MADD: variants seen among roughly 807,000 people sequenced by gnomAD.
MADD encodes the protein MAP kinase activating death domain, also known as MAP kinase-activating death domain protein.
A neutral mutation model predicts 176.7 loss-of-function variants in MADD; 109 were observed. The ratio of observed to expected loss-of-function variants is 0.62; its 90% CI spans 0.53 to 0.72. The LOEUF is 0.72. Ranked by LOEUF, MADD falls within the 30% of genes least tolerant of loss-of-function variation. The pLI, the probability that MADD is intolerant of heterozygous loss-of-function variation, is 0.00. For synonymous variants in MADD, 771 were observed against 771.3 expected (o/e 1.00, Z 0.01); for missense variants, 1,914 against 2,045.5 (o/e 0.94, Z 1.24).
At chr11:47,298,840 G>C (rs931985878) in intron 22 of MADD, among the ~76,000 whole-genome samples, 2 of 152,020 alleles carry the variant, frequency 1.3e-5, no homozygotes, top group Non-Finnish European at 2.9e-5. Flanking sequence ...AATCCATTTT[G>C]GGTTGATTTT....
intron 20 of MADD, among the ~76,000 whole-genome samples, chr11:47,294,981 C>T (rs2069594376): frequency 6.6e-6 from 1 of 151,588 alleles, no homozygotes; most frequent in Admixed American, 6.6e-5. Context: ...CTACAGTGAG[C>T]ATGTACTTCT....
chr11:47,329,312 AGT>A (rs2095804174), exon 33 of MADD: 6 of 632,554 alleles, frequency 9.5e-6, no homozygotes, highest in South Asian at 5.3e-5. Flanking sequence ...TGTCCCTCTG[AGT>A]GTGTCTTGAG....
intron 15 of MADD, among the ~76,000 whole-genome samples, chr11:47,288,411 A>G (rs2062435661): frequency 6.6e-6 from 1 of 152,246 alleles, no homozygotes; most frequent in African/African-American, 2.4e-5. Context: ...GGAGCGAACT[A>G]GCACTGCCAG....
chr11:47,328,069 G>A, intron 31 of MADD: 1 of 993,548 alleles, frequency 1.0e-6, no homozygotes, highest in Non-Finnish European at 1.2e-6. Context: ...CCCTCACACA[G>A]GCAGGTCTGG....
chr11:47,324,467 A>G lies in MADD; in HGVS notation c.4436-4A>G. On this transcript the variant is annotated splice_polypyrimidine_tract_variant and splice_region_variant and intron_variant, in intron 29 of 32. Coordinates refer to ENST00000402192, the Ensembl canonical transcript of MADD. ...TGAGCTGATAGCCCCCTCCCTCACC[A>G]CAGGACCTGAATTGGGTGGCGAGTT... is the stretch of plus-strand genomic sequence containing the variant. 2 of 1,612,560 alleles carry G rather than the reference A, an allele frequency of 1.2e-6. No homozygotes were observed. Among genetic ancestry groups the G allele is most frequent in the African/African-American group, 2.7e-5 (2 of 75,004 alleles).
At chr11:47,294,196 A>C (rs1171073051) in intron 20 of MADD, among the ~76,000 whole-genome samples, 1 of 151,444 alleles carries the variant, frequency 6.6e-6, no homozygotes. Flanking sequence ...TGAAAAATAC[A>C]AAATTAGCCA....
At chr11:47,319,988 C>T (rs2094106765) in intron 27 of MADD, among the ~76,000 whole-genome samples, 1 of 36,896 alleles carries the variant, frequency 2.7e-5, no homozygotes, top group Admixed American at 4.5e-4. Flanking sequence ...GAGACTCCAT[C>T]GCAAAAAAAA....
rs369658776 is a variant in MADD, at chr11:47,323,652, G to T, written c.4198-19G>T. On this transcript the variant is annotated intron_variant, in intron 27 of 32. Coordinates refer to ENST00000402192, the Ensembl canonical transcript of MADD. ...TGTCAGAGACAGGAACCACTGAGCC[G>T]CTTTGTGCACTTCTCCAGGTGTGCG... 6.2e-7 allele frequency: 1 copy of T among 1,609,666 alleles called. No homozygotes were observed. Among genetic ancestry groups the T allele is most frequent in the Non-Finnish European group, 8.5e-7 (1 of 1,177,512 alleles).
At chr11:47,272,979 T>C (rs1310478240) in intron 1 of MADD, among the ~76,000 whole-genome samples, 2 of 152,312 alleles carry the variant, frequency 1.3e-5, no homozygotes, top group Non-Finnish European at 2.9e-5. Context: ...GATTAGGCAA[T>C]TGGGGCATGG....
chr11:47,304,769 G>A (rs958601766), intron 22 of MADD, among the ~76,000 whole-genome samples: 1 of 152,014 alleles, frequency 6.6e-6, no homozygotes, highest in Non-Finnish European at 1.5e-5. Context: ...TATTACCAAA[G>A]AGTTATTATG....
chr11:47,304,156 A>G (rs1160115978), intron 22 of MADD, among the ~76,000 whole-genome samples: 1 of 151,366 alleles, frequency 6.6e-6, no homozygotes, highest in Non-Finnish European at 1.5e-5. Context: ...ACTAATTTCG[A>G]ATGACTTATC....
chr11:47,279,721 G>A (rs368622684), intron 7 of MADD, among the ~76,000 whole-genome samples: 7 of 151,794 alleles, frequency 4.6e-5, no homozygotes, highest in East Asian at 3.9e-4. Flanking sequence ...AGTGTGGACC[G>A]TCTGGCTGCT....
At chr11:47,310,016 AT>A (rs1180898770) in intron 25 of MADD, among the ~76,000 whole-genome samples, 1 of 151,260 alleles carries the variant, frequency 6.6e-6, no homozygotes, top group Non-Finnish European at 1.5e-5. Flanking sequence ...TAGTTTTTGT[AT>A]TTTTAGTAGA....
intron 3 of MADD, among the ~76,000 whole-genome samples, 169 bp downstream of exon 3, chr11:47,275,328 G>C (rs745522414): frequency 6.6e-6 from 1 of 152,212 alleles, no homozygotes; most frequent in Non-Finnish European, 1.5e-5. Flanking sequence ...GTCTCGCTCT[G>C]TTGCCCAGGC....
At chr11:47,275,812 C>A in intron 3 of MADD, 87 bp from the exon 4 acceptor site, 1 of 1,288,568 alleles carries the variant, frequency 7.8e-7, no homozygotes, top group Non-Finnish European at 1.1e-6. Context: ...CCATTGTCAT[C>A]ATTAGAGCCT....
rs754933627 is a variant in MADD at position 47,282,798 on chromosome 11, T to C, written c.1706-15T>C. 2 of 1,609,610 alleles carry C rather than the reference T, an allele frequency of 1.2e-6. No individual in the cohort carries two copies. The highest frequency in any genetic ancestry group is 3.3e-5 in the Admixed American group (2 of 59,710). ...CCTTGCTGCTGACTTTCTGTTCTTT[T>C]CCCTCATGGGGTAGATATGTTTGAT... On this transcript the variant is annotated splice_polypyrimidine_tract_variant and intron_variant, in intron 9 of 32. Coordinates refer to ENST00000402192, the Ensembl canonical transcript of MADD.
At chr11:47,298,691 A>G (rs2075169122) in intron 22 of MADD, among the ~76,000 whole-genome samples, 1 of 152,042 alleles carries the variant, frequency 6.6e-6, no homozygotes, top group Non-Finnish European at 1.5e-5. Context: ...GTTTAATATA[A>G]TCCTGTTTTT....
chr11:47,328,909 C>T, intron 32 of MADD, 137 bp from the exon 37 acceptor site: 1 of 966,582 alleles, frequency 1.0e-6, no homozygotes, highest in Non-Finnish European at 1.6e-6. Flanking sequence ...ATGGGGACAG[C>T]TTCCTTGCTT....
At chr11:47,314,667 A>G (rs560585147) in intron 26 of MADD, among the ~76,000 whole-genome samples, 1 of 152,188 alleles carries the variant, frequency 6.6e-6, no homozygotes, top group Non-Finnish European at 1.5e-5. Context: ...GAATACGTCT[A>G]TTTATCTGAA....
Sources: allele counts gnomAD v4.1 joint callset (sites outside exome capture counted in the v4.1 genomes callset), GRCh38; gene constraint gnomAD v4.1.1; transcripts MANE v1.5; gene names NCBI Gene and HGNC (gene_info 2026-07-23, HGNC 2026-07-21).